The following PRKDC variants were observed in gnomAD, a reference collection of about 807,000 sequenced individuals.
PRKDC encodes the protein DNA-dependent protein kinase catalytic subunit.
Under a neutral mutation model 486.9 loss-of-function variants are expected in PRKDC, and 82 were observed. That is an observed-to-expected ratio of 0.17 (90% CI 0.14 to 0.20). The LOEUF (loss-of-function observed/expected upper bound fraction) is 0.20. PRKDC is among the 10% of genes least tolerant of loss of function. The pLI is 1.00. For synonymous variants in PRKDC, 1,895 were observed against 1,837.0 expected (o/e 1.03, Z -0.81); for missense variants, 4,504 against 5,038.2 (o/e 0.89, Z 3.21).
intron 82 of PRKDC, 22 bp from the exon 83 acceptor site, chr8:47,778,682 G>A (rs753197595): frequency 6.2e-7 from 1 of 1,613,266 alleles, no homozygotes; most frequent in South Asian, 1.1e-5. Flanking sequence ...ACACAGCTGT[G>A]CGGCTGCTGT....
At chr8:47,865,189 C>T (rs536689728) in intron 40 of PRKDC, among the ~76,000 whole-genome samples, 1 of 151,846 alleles carries the variant, frequency 6.6e-6, no homozygotes, top group South Asian at 2.1e-4. Flanking sequence ...AGATCGAGAC[C>T]ACCCTGGCCA....
intron 70 of PRKDC, among the ~76,000 whole-genome samples, chr8:47,802,415 T>C (rs2087126769): frequency 6.6e-6 from 1 of 151,638 alleles, no homozygotes; most frequent in Non-Finnish European, 1.5e-5. Context: ...AACCCAAACC[T>C]GTACAAGAAA....
chr8:47,811,972 C>T (rs959462849), intron 68 of PRKDC, among the ~76,000 whole-genome samples: 5 of 151,812 alleles, frequency 3.3e-5, no homozygotes, highest in African/African-American at 9.7e-5. Context: ...AGCAAAATTC[C>T]ATCACAAAAA....
In PRKDC at chr8:47,897,293, C is replaced by T; in HGVS notation, c.3466G>A (p.Gly1156Arg). The change falls in exon 30 of 86, where the codon GGA becomes AGA. Residue 1156 changes from glycine (G) to arginine (R), a missense_variant and splice_region_variant. By Grantham distance (125) the Gly-to-Arg change is moderately radical. Transcript: ENST00000314191. ...CACAATGATGCGGAAGGTGGAAATC[C>T]TCTGCACAGAGACAGCATACTGTCA... is the stretch of plus-strand genomic sequence containing the variant. ...NKAKKRRLPR[G>R]FPPSASLCLL... The T allele has an allele frequency of 6.3e-7, 1 of 1,580,526 alleles. No individual in the cohort carries two copies. Among genetic ancestry groups the T allele is most frequent in the Non-Finnish European group, 8.7e-7 (1 of 1,155,450 alleles).
intron 11 of PRKDC, 81 bp from the exon 12 acceptor site, chr8:47,936,598 G>A: frequency 6.7e-7 from 1 of 1,487,266 alleles, no homozygotes; most frequent in Non-Finnish European, 9.1e-7. Context: ...TAAGCCATGT[G>A]ATTATAAACA....
rs545471532 is a variant in PRKDC at position 47,858,026 on chromosome 8, C to T, written c.6465+490G>A. Among the ~76,000 whole-genome samples, 4 of 152,316 alleles carry T rather than the reference C, an allele frequency of 2.6e-5. No homozygotes were observed. In the East Asian group the frequency reaches 7.7e-4, roughly 29 times the overall value. On this transcript the variant is annotated intron_variant, in intron 48 of 85. Coordinates refer to ENST00000314191, the MANE Select transcript of PRKDC (RefSeq NM_006904.7). ...CAGGGACCACCCGTGCTATGCTACT[C>T]CTTCCCTGCCTAGTGCAAACTCTCA...
In PRKDC at chr8:47,794,315, G is replaced by A. The variant is rs774139863; in HGVS notation, c.10645C>T (p.His3549Tyr). ...SYSFKDTSTG[H>Y]KNKEFVARIK... ...CTTGCCACAAACTCCTTATTCTTAT[G>A]ACCAGTAGAAGTATCCTTGAAGGAA... Residue 3549 changes from histidine (H) to tyrosine (Y), a missense_variant, in exon 74 of 86, where the codon CAT becomes TAT. Physicochemically the swap from His to Tyr is moderately conservative, Grantham distance 83. This residue lies in a region of PRKDC where 706 missense variants were observed against 945.0 expected (regional missense o/e 0.75). Transcript: ENST00000314191. 2.5e-6 allele frequency: 4 copies of A among 1,612,590 alleles called. No homozygotes were observed. Among genetic ancestry groups the A allele is most frequent in the Non-Finnish European group, 3.4e-6 (4 of 1,179,224 alleles).
chr8:47,849,582 A>G, intron 52 of PRKDC, 79 bp from the exon 53 acceptor site: 1 of 1,491,252 alleles, frequency 6.7e-7, no homozygotes, highest in Non-Finnish European at 9.0e-7. Context: ...TATCTTGAGT[A>G]TTTAAGTGAG....
intron 16 of PRKDC, among the ~76,000 whole-genome samples, chr8:47,931,042 A>G (rs1391405232): frequency 6.6e-6 from 1 of 152,246 alleles, no homozygotes; most frequent in Admixed American, 6.5e-5. Flanking sequence ...GGTGGGCAGC[A>G]CTTCTTGAGG....
intron 12 of PRKDC, 53 bp from the exon 13 acceptor site, chr8:47,935,953 A>G (rs2090344148): frequency 6.7e-7 from 1 of 1,482,394 alleles, no homozygotes; most frequent in South Asian, 1.2e-5. Context: ...CAATGAATAC[A>G]GGAATAATAC....
rs2089167407 is a variant in PRKDC, at chr8:47,879,643, G to T, written c.5083C>A (p.Leu1695Ile). Residue 1695 changes from leucine to isoleucine, a missense_variant, in exon 39 of 86, where the codon CTT (leucine) becomes ATT (isoleucine). By Grantham distance (5) the Leu-to-Ile change is conservative. This residue lies in a region of PRKDC where 1,969 missense variants were observed against 2,068.9 expected (regional missense o/e 0.95). Coordinates refer to ENST00000314191, the MANE Select transcript of PRKDC (RefSeq NM_006904.7). The part of the protein sequence containing the change: ...DLHLKGQAVT[L>I]LPFFTSLTGG... ...GTGAGGCTGGTGAAGAATGGAAGAA[G>T]AGTGACAGCTTGGCCCTGTGGAGCA... 6.3e-7 allele frequency: 1 copy of T among 1,582,402 alleles called. No homozygotes were observed. The highest frequency in any genetic ancestry group is 8.6e-7 in the Non-Finnish European group (1 of 1,166,938).
At position 47,785,260 on chromosome 8, in the gene PRKDC, T is replaced by C. The variant is rs771307180; in HGVS notation, c.10960A>G (p.Met3654Val). The change falls in exon 77 of 86, where the codon ATG becomes GTG. Residue 3654 changes from methionine to valine, a missense_variant. By Grantham distance (21) the Met-to-Val change is conservative. Around this residue, in one of 6 missense-constraint regions of PRKDC, gnomAD observed 706 missense variants for 945.0 expected, o/e 0.75. Coordinates refer to ENST00000314191, the MANE Select transcript of PRKDC (RefSeq NM_006904.7). Reference sequence around the variant, plus strand: ...ATGTCGTTGAAGTCACTGAGCTTCATTCTCAGTAGTTTAGAACCTCCTTTC... The same window carrying C: ...ATGTCGTTGAAGTCACTGAGCTTCACTCTCAGTAGTTTAGAACCTCCTTTC... ...FGKGGSKLLR[M>V]KLSDFNDITN... 1.2e-6 allele frequency: 2 copies of C among 1,612,630 alleles called. No homozygotes were observed. Among genetic ancestry groups the C allele is most frequent in the African/African-American group, 1.3e-5 (1 of 75,054 alleles).
rs764536422 is a variant in PRKDC at position 47,900,451 on chromosome 8, C to A, written c.3286G>T (p.Val1096Leu). Residue 1096 changes from valine (V) to leucine (L), a missense_variant, in exon 28 of 86, where the codon GTG (valine) becomes TTG (leucine). By Grantham distance (32) the Val-to-Leu change is conservative. This residue lies in a region of PRKDC where 1,969 missense variants were observed against 2,068.9 expected (regional missense o/e 0.95). Coordinates refer to ENST00000314191, the MANE Select transcript of PRKDC (RefSeq NM_006904.7). ...YREFREEESL[V>L]EQFVFEALVI... ...AAGGCTTCAAACACAAACTGTTCCA[C>A]CAGAGACTCTTCTTCCCTGTAAAAT... The A allele has an allele frequency of 5.8e-5, 94 of 1,609,162 alleles. 1 individual carries two copies. The South Asian group carries it at 9.9e-4, about 17-fold the overall frequency.
chr8:47,860,803 T>A, intron 45 of PRKDC, 96 bp downstream of exon 45: 1 of 920,438 alleles, frequency 1.1e-6, no homozygotes, highest in Non-Finnish European at 1.6e-6. Flanking sequence ...TCTATTTACA[T>A]AAAAAATACT....
intron 10 of PRKDC, among the ~76,000 whole-genome samples, chr8:47,942,814 A>G (rs1336401467): frequency 6.6e-6 from 1 of 152,192 alleles, no homozygotes; most frequent in African/African-American, 2.4e-5. Context: ...CCACAATGGC[A>G]AAGAGGCACC....
chr8:47,943,817 C>T (rs1256561751), intron 9 of PRKDC, 36 bp downstream of exon 9: 3 of 1,493,446 alleles, frequency 2.0e-6, no homozygotes, highest in Non-Finnish European at 2.7e-6. Context: ...ATTTAGTAAT[C>T]TAAAATATTA....
Position 47,854,175 on chromosome 8 carries a change from A to C in PRKDC, c.6801T>G (p.Ser2267=), listed in dbSNP as rs1417325399. 1 of 1,613,504 alleles carries C rather than the reference A, an allele frequency of 6.2e-7. No individual in the cohort carries two copies. Among genetic ancestry groups the C allele is most frequent in the Non-Finnish European group, 8.5e-7 (1 of 1,179,508 alleles). The change falls in exon 51 of 86, where the codon TCT becomes TCG. Residue 2267 remains serine (S), a synonymous_variant. Coordinates refer to ENST00000314191, the MANE Select transcript of PRKDC (RefSeq NM_006904.7). ...ATTGAATCCCTACTGAGTTGTCTTT[A>C]GAATTAGGATCTTTACCGGAAAACT... ...FEKFSGKDPN[S]KDNSVGIQLL... is the part of the protein sequence containing the mutation.
At chr8:47,856,318 C>T (rs1461320571) in intron 49 of PRKDC, among the ~76,000 whole-genome samples, 1 of 152,050 alleles carries the variant, frequency 6.6e-6, no homozygotes, top group Non-Finnish European at 1.5e-5. Flanking sequence ...ACCTCCGCCT[C>T]CCGGGTTTAA....
At chr8:47,790,811 G>C (rs991373374) in intron 74 of PRKDC, among the ~76,000 whole-genome samples, 2 of 152,104 alleles carry the variant, frequency 1.3e-5, no homozygotes, top group Non-Finnish European at 2.9e-5. Flanking sequence ...CATACATCAG[G>C]GAAAGGACAG....
Sources: allele counts gnomAD v4.1 joint callset (sites outside exome capture counted in the v4.1 genomes callset), GRCh38; gene constraint gnomAD v4.1.1; regional missense constraint gnomAD v4.1.1; transcripts MANE v1.5; gene names NCBI Gene and HGNC (gene_info 2026-07-23, HGNC 2026-07-21).